Variants in SULT1E1 observed in about 807,000 individuals in gnomAD.
SULT1E1 encodes sulfotransferase 1E1.
A neutral mutation model predicts 33.6 loss-of-function variants in SULT1E1; 36 were observed. That is an observed-to-expected ratio of 1.07 (90% CI 0.82 to 1.41). The LOEUF (loss-of-function observed/expected upper bound fraction) is 1.41. SULT1E1 is among the 40% of genes most tolerant of loss of function. SULT1E1 has a pLI of 0.00. For missense variants in SULT1E1, 371 were observed against 345.7 expected (o/e 1.07, Z -0.58); for synonymous variants, 121 against 111.7 (o/e 1.08, Z -0.53).
chr4:69,858,096 C>T (rs985585824), intron 1 of SULT1E1, among the ~76,000 whole-genome samples: 10 of 151,858 alleles, frequency 6.6e-5, no homozygotes, highest in Admixed American at 1.3e-4. Flanking sequence ...TTATTATTGC[C>T]GGGTATCTAA....
chr4:69,837,712 G>T (rs948870324), downstream of SULT1E1, among the ~76,000 whole-genome samples: 1 of 152,120 alleles, frequency 6.6e-6, no homozygotes, highest in Non-Finnish European at 1.5e-5. Flanking sequence ...TACGTAAATA[G>T]TAGAGATGGG....
chr4:69,832,223 G>A, the SULT1E1 span, among the ~76,000 whole-genome samples: 4 of 152,124 alleles, frequency 2.6e-5, no homozygotes, highest in Non-Finnish European at 5.9e-5. Flanking sequence ...GAGGGGCGCC[G>A]GAGAAGCAGG....
chr4:69,854,120 A>T, intron 4 of SULT1E1, 97 bp downstream of exon 4: 1 of 753,484 alleles, frequency 1.3e-6, no homozygotes, highest in Non-Finnish European at 2.2e-6. Context: ...CTATAGATTC[A>T]ATGAAAGAAT....
chr4:69,838,679 A>G (rs1253787028), downstream of SULT1E1: 7 of 152,296 alleles, frequency 4.6e-5, no homozygotes, highest in African/African-American at 7.2e-5. Flanking sequence ...CTAGCAGACA[A>G]GTAGCATGCC....
chr4:69,842,229 A>G, intron 7 of SULT1E1, 123 bp from the exon 8 acceptor site: 2 of 616,354 alleles, frequency 3.2e-6, no homozygotes, highest in South Asian at 3.8e-5. Flanking sequence ...CAATTTTAAG[A>G]ATCAAATGTA....
intron 6 of SULT1E1, 32 bp downstream of exon 6, chr4:69,847,666 A>G (rs1407656377): frequency 2.9e-6 from 4 of 1,379,380 alleles, no homozygotes; most frequent in African/African-American, 1.5e-5. Flanking sequence ...CTTAGAAATT[A>G]CCAAGTTGCT....
At chr4:69,854,133 A>G (rs1383066138) in intron 4 of SULT1E1, 84 bp downstream of exon 4, 1 of 878,760 alleles carries the variant, frequency 1.1e-6, no homozygotes, top group Non-Finnish European at 1.8e-6. Context: ...GAAAGAATAA[A>G]TAAACAAGTG....
In SULT1E1 at chr4:69,854,289, A is replaced by C; in HGVS notation, c.297T>G (p.Asn99Lys). ...MNGVKQLDEM[N>K]SPRIVKTHLP... ...AATGAGTCTTCACAATTCTAGGAGAATTCATCTCATCTAATTGTTTTACTC... is the reference window on the plus strand; with the variant it reads ...AATGAGTCTTCACAATTCTAGGAGACTTCATCTCATCTAATTGTTTTACTC... The change falls in exon 4 of 8, where the codon AAT becomes AAG. Residue 99 changes from asparagine (N) to lysine (K), a missense_variant. Asn to Lys is a moderately conservative substitution (Grantham distance 94). Transcript: ENST00000226444. The C allele has an allele frequency of 6.2e-7, 1 of 1,610,088 alleles. No individual in the cohort carries two copies. Among genetic ancestry groups the C allele is most frequent in the Non-Finnish European group, 8.5e-7 (1 of 1,177,534 alleles).
chr4:69,821,936 T>A, the SULT1E1 span, among the ~76,000 whole-genome samples: 3 of 152,194 alleles, frequency 2.0e-5, no homozygotes, highest in African/African-American at 4.8e-5. Context: ...AACTGACATA[T>A]CAGAACTATA....
chr4:69,834,368 G>C, the SULT1E1 span, among the ~76,000 whole-genome samples: 9 of 152,154 alleles, frequency 5.9e-5, no homozygotes, highest in African/African-American at 2.2e-4. Flanking sequence ...GTCAATGACA[G>C]TCAGGCAATA....
rs1257269149 is a variant in SULT1E1 at position 69,841,611 on chromosome 4, T to A, written c.*383A>T. On this transcript the variant is annotated 3_prime_UTR_variant, in exon 8 of 8. Transcript: ENST00000226444. Reference sequence around the variant, plus strand: ...GTGTGTGCCTGTTGTTGCAGCTACTTGGGAAGCTTGAGCCCAGGAATTCAA... The same window carrying A: ...GTGTGTGCCTGTTGTTGCAGCTACTAGGGAAGCTTGAGCCCAGGAATTCAA... 6.4e-6 allele frequency: 1 copy of A among 157,150 alleles called. No homozygotes were observed. Among genetic ancestry groups the A allele is most frequent in the African/African-American group, 2.4e-5 (1 of 41,402 alleles). 9.7% of individuals were successfully genotyped at this position (157,150 alleles called of 1,614,324 possible).
downstream of SULT1E1, among the ~76,000 whole-genome samples, chr4:69,840,679 G>A (rs1242603579): frequency 6.6e-6 from 1 of 152,156 alleles, no homozygotes; most frequent in East Asian, 1.9e-4. Flanking sequence ...TGGATGTTTG[G>A]AAATCTGTTG....
At chr4:69,831,269 C>T in the SULT1E1 span, among the ~76,000 whole-genome samples, 1 of 152,114 alleles carries the variant, frequency 6.6e-6, no homozygotes, top group Non-Finnish European at 1.5e-5. Context: ...GTAGCTTTTT[C>T]TTTTTCTCTG....
At chr4:69,849,193 T>TCC in intron 5 of SULT1E1, 1 of 260,156 alleles carries the variant, frequency 3.8e-6, no homozygotes, top group Non-Finnish European at 7.4e-6. Flanking sequence ...TACCCCCAGC[T>TCC]CCCAAACATA....
At chr4:69,836,724 AT>A (rs1276329708), downstream of SULT1E1, among the ~76,000 whole-genome samples, 1 of 152,110 alleles carries the variant, frequency 6.6e-6, no homozygotes, top group Admixed American at 6.5e-5. Context: ...TAAAAGTATA[AT>A]TTTGCATACA....
chr4:69,846,101 A>G (rs944255997), intron 6 of SULT1E1, among the ~76,000 whole-genome samples: 1 of 150,450 alleles, frequency 6.6e-6, no homozygotes, highest in African/African-American at 2.4e-5. Context: ...AAAATTTCTC[A>G]CCTCTTAATA....
At chr4:69,826,020 G>A in the SULT1E1 span, among the ~76,000 whole-genome samples, 2 of 152,126 alleles carry the variant, frequency 1.3e-5, no homozygotes, top group African/African-American at 4.8e-5. Context: ...AAGCCCCATT[G>A]TAGGGGGTAT....
In SULT1E1 at chr4:69,857,503, A is replaced by T; in HGVS notation, c.142T>A (p.Ser48Thr). 6.3e-7 allele frequency: 1 copy of T among 1,596,732 alleles called. No individual in the cohort carries two copies. The change falls in exon 2 of 8, where the codon TCT (serine) becomes ACT (threonine). Residue 48 changes from serine to threonine, a missense_variant. Physicochemically the swap from Ser to Thr is moderately conservative, Grantham distance 58. Transcript: ENST00000226444. Reference sequence around the variant, plus strand: ...AAAGAACAACAAAGAGATTTACCAGATTTAGGGTAGGTGGCAATGACAAGA... The same window carrying T: ...AAAGAACAACAAAGAGATTTACCAGTTTTAGGGTAGGTGGCAATGACAAGA... ...DDLVIATYPK[S>T]GTTWVSEIVY...
At chr4:69,830,643 C>T in the SULT1E1 span, among the ~76,000 whole-genome samples, 2 of 152,170 alleles carry the variant, frequency 1.3e-5, no homozygotes, top group African/African-American at 2.4e-5. Context: ...AGGGAACTGG[C>T]CCTGCGCATA....
Sources: gnomAD v4.1 joint callset for allele counts (sites outside exome capture counted in the v4.1 genomes callset) on GRCh38, gnomAD v4.1.1 for gene constraint, MANE v1.5 for transcripts, NCBI Gene and HGNC (gene_info 2026-07-23, HGNC 2026-07-21) for gene names.